The following MR1 variants were observed in gnomAD, a reference collection of about 807,000 sequenced individuals.
The protein encoded by MR1 is major histocompatibility complex, class I-related.
A neutral mutation model predicts 37.8 loss-of-function variants in MR1; 44 were observed. The ratio of observed to expected loss-of-function variants is 1.16; its 90% confidence interval spans 0.91 to 1.50. The LOEUF (loss-of-function observed/expected upper bound fraction) is 1.50. Among genes scored for constraint, MR1 ranks in the 40% most tolerant of loss-of-function variants. The probability of loss-of-function intolerance (pLI) is 0.00; values close to 1 mark genes in which losing one functional copy is unlikely to be tolerated. For synonymous variants in MR1, 153 were observed against 155.8 expected, an observed-to-expected ratio of 0.98 and a Z score of 0.13; for missense variants, 386 against 419.1, an observed-to-expected ratio of 0.92 and a Z score of 0.69.
chr1:181,035,783 T>C (rs977129413), intron 1 of MR1, among the ~76,000 whole-genome samples: 1 of 152,220 alleles, frequency 6.6e-6, no homozygotes, highest in African/African-American at 2.4e-5. Flanking sequence ...GCAGATCTTC[T>C]GGCCCTCGGT....
chr1:181,044,669 T>C (rs1460608034), intron 1 of MR1, among the ~76,000 whole-genome samples: 1 of 152,208 alleles, frequency 6.6e-6, no homozygotes, highest in African/African-American at 2.4e-5. Flanking sequence ...TCAGAGCTGC[T>C]GAGGTTTACA....
At position 181,050,092 on chromosome 1, in the gene MR1, A is replaced by G. The variant is rs199653789; in HGVS notation, c.410A>G (p.Asp137Gly). Reference sequence around the variant, plus strand: ...ACAGGATTTCTGCAGTATGCATATGACGGGCAGGATTTCCTGATCTTCAAT... The same window carrying G: ...ACAGGATTTCTGCAGTATGCATATGGCGGGCAGGATTTCCTGATCTTCAAT... ...STTGFLQYAY[D>G]GQDFLIFNKD... Residue 137 changes from aspartate to glycine, a missense_variant, in exon 3 of 6, where the codon GAC (aspartate) becomes GGC (glycine). Asp to Gly is a moderately conservative substitution (Grantham distance 94, BLOSUM62 -1). Coordinates refer to ENST00000367580, the MANE Select transcript of MR1 (RefSeq NM_001385161.1). The G allele has an allele frequency of 1.0e-4, 164 of 1,614,138 alleles. No individual in the cohort carries two copies. The highest frequency in any genetic ancestry group is 1.5e-4 in the Admixed American group (9 of 60,024).
rs932591977 is a variant in MR1, at chr1:181,060,220, AT to A, written c.*4958del. 1 of 151,914 alleles carries A rather than the reference AT, an allele frequency of 6.6e-6. No homozygotes were observed. The highest frequency in any genetic ancestry group is 1.5e-5 in the Non-Finnish European group (1 of 68,002). 9.4% of individuals were successfully genotyped at this position (151,914 alleles called of 1,614,324 possible). On this transcript the variant is annotated 3_prime_UTR_variant, in exon 6 of 6. Coordinates refer to ENST00000367580, the MANE Select transcript of MR1 (RefSeq NM_001385161.1). ...CCTGCATGCATGGCTTTGTGTCCAA[AT>A]TTCCTTTTTTCATGAGGCCATCAGT... is the stretch of plus-strand genomic sequence containing the variant.
rs1658826988 is a variant in MR1, at chr1:181,059,961, C to T, written c.*4696C>T. On this transcript the variant is annotated 3_prime_UTR_variant, in exon 6 of 6. Coordinates refer to ENST00000367580, the MANE Select transcript of MR1 (RefSeq NM_001385161.1). ...GTTCTCCATCGTCTCCCCGTTCCAC[C>T]TTGTACTGGTTTCCAAGGGTAGTCG... is the stretch of plus-strand genomic sequence containing the variant. The T allele has an allele frequency of 6.6e-6, 1 of 152,194 alleles. No homozygotes were observed. The highest frequency in any genetic ancestry group is 2.4e-5 in the African/African-American group (1 of 41,440). 9.4% of individuals were successfully genotyped at this position (152,194 alleles called of 1,614,324 possible).
At chr1:181,047,412 A>G (rs922541924) in intron 1 of MR1, among the ~76,000 whole-genome samples, 1 of 152,126 alleles carries the variant, frequency 6.6e-6, no homozygotes, top group African/African-American at 2.4e-5. Flanking sequence ...CAGCCTGACT[A>G]ACATGGCAAA....
chr1:181,048,694 C>T (rs1406223991), intron 1 of MR1, among the ~76,000 whole-genome samples: 5 of 152,168 alleles, frequency 3.3e-5, no homozygotes, highest in South Asian at 2.1e-4. Flanking sequence ...CTTCAGAGTT[C>T]CCGAGGGCTC....
At chr1:181,049,344 C>T in intron 2 of MR1, 32 bp downstream of exon 2, 1 of 1,592,136 alleles carries the variant, frequency 6.3e-7, no homozygotes, top group African/African-American at 1.3e-5. Context: ...ACGCTTCCCC[C>T]ATCCCACCCC....
In MR1 at chr1:181,034,016, A is replaced by G; in HGVS notation, c.9A>G (p.Glu3=). ...CCGGAAAGAGAAGGACTATGGGGGA[A>G]CTGATGGCGTTCCTGTTACCTCTCA... The part of the protein sequence containing the change: MG[E]LMAFLLPLII... The change falls in exon 1 of 6, where the codon GAA becomes GAG. Residue 3 remains glutamate (E), a synonymous_variant. Transcript: ENST00000367580. 3 of 1,612,732 alleles carry G rather than the reference A, an allele frequency of 1.9e-6. No homozygotes were observed. Among genetic ancestry groups the G allele is most frequent in the Non-Finnish European group, 2.5e-6 (3 of 1,179,564 alleles).
intron 1 of MR1, among the ~76,000 whole-genome samples, chr1:181,048,801 T>C (rs1190683423): frequency 6.6e-6 from 1 of 152,206 alleles, no homozygotes; most frequent in Non-Finnish European, 1.5e-5. Flanking sequence ...AAGTTGAGAT[T>C]ACCTATAAAA....
At chr1:181,038,997 G>C (rs541054692) in intron 1 of MR1, among the ~76,000 whole-genome samples, 210 of 152,124 alleles carry the variant, frequency 1.4e-3, no homozygotes, top group Non-Finnish European at 2.3e-3. Flanking sequence ...TAGGGACAGA[G>C]TTTCTCCGTG....
At chr1:181,047,773 G>C (rs534423229) in intron 1 of MR1, among the ~76,000 whole-genome samples, 1 of 143,224 alleles carries the variant, frequency 7.0e-6, no homozygotes, top group Admixed American at 7.0e-5. Flanking sequence ...GGTGGCACGC[G>C]CCTGTAGTCC....
At chr1:181,049,975 T>C (rs1340285677) in intron 2 of MR1, 36 bp from the exon 3 acceptor site, 3 of 1,594,680 alleles carry the variant, frequency 1.9e-6, no homozygotes, top group Non-Finnish European at 1.7e-6. Context: ...CCTCTGTCTC[T>C]GTGTGGACCC....
chr1:181,049,575 GGCTTCTGATAT>G, intron 2 of MR1: 1 of 550,596 alleles, frequency 1.8e-6, no homozygotes, highest in South Asian at 2.4e-5. Flanking sequence ...TTTCCACTCA[GGCTTCTGATAT>G]GCATCTCCTT....
intron 1 of MR1, among the ~76,000 whole-genome samples, chr1:181,035,849 A>G (rs1254365381): frequency 2.6e-5 from 4 of 152,096 alleles, no homozygotes; most frequent in Non-Finnish European, 4.4e-5. Context: ...TGTCACTTTG[A>G]TAATTGGGGG....
chr1:181,048,078 C>T (rs1038036737), intron 1 of MR1, among the ~76,000 whole-genome samples: 8 of 150,500 alleles, frequency 5.3e-5, no homozygotes, highest in African/African-American at 1.7e-4. Flanking sequence ...ATTAGCCAGG[C>T]GTGGTGACCA....
At chr1:181,053,450 T>G in intron 4 of MR1, 123 bp from the exon 5 acceptor site, 4 of 662,136 alleles carry the variant, frequency 6.0e-6, no homozygotes, top group East Asian at 2.6e-5. Flanking sequence ...GATTGATGAG[T>G]GAGAAGCAAC....
rs764792753 is a variant in MR1 at position 181,049,271 on chromosome 1, A to G, written c.287A>G (p.Lys96Arg). ...QLLRGWQQMF[K>R]VELKRLQRHY... is the part of the protein sequence containing the mutation. ...CTGAGGGGCTGGCAGCAGATGTTCA[A>G]GGTGGAACTGAAGCGCCTACAGAGG... The change falls in exon 2 of 6, where the codon AAG (lysine) becomes AGG (arginine). Residue 96 changes from lysine (K) to arginine (R), a missense_variant. Transcript: ENST00000367580. 7.1e-5 allele frequency: 114 copies of G among 1,614,004 alleles called. No individual in the cohort carries two copies. Among genetic ancestry groups the G allele is most frequent in the Middle Eastern group, 3.3e-4 (2 of 6,084 alleles).
chr1:181,057,867 G>T lies in MR1; in HGVS notation c.*2602G>T. 6.6e-6 allele frequency: 1 copy of T among 152,298 alleles called. No individual in the cohort carries two copies. The allele number at this position is 152,298 out of a possible 1,614,324, so 9.4% of individuals were successfully genotyped here. ...CTCTACCAAACATACAAAATTAGCCGGGGATGGTGGCGCATGCCTATAATC... is the reference window on the plus strand; with the variant it reads ...CTCTACCAAACATACAAAATTAGCCTGGGATGGTGGCGCATGCCTATAATC... On this transcript the variant is annotated 3_prime_UTR_variant, in exon 6 of 6. Transcript: ENST00000367580.
chr1:181,034,600 G>A (rs186212563), intron 1 of MR1, among the ~76,000 whole-genome samples: 31 of 152,210 alleles, frequency 2.0e-4, no homozygotes, highest in African/African-American at 7.0e-4. Context: ...TTCATTATTC[G>A]GGGAGCTCAA....
Sources: gnomAD v4.1 joint callset for allele counts (sites outside exome capture counted in the v4.1 genomes callset) on GRCh38, gnomAD v4.1.1 for gene constraint, MANE v1.5 for transcripts, NCBI Gene and HGNC (gene_info 2026-07-23, HGNC 2026-07-21) for gene names.